The following ZNF609 variants were observed in gnomAD, a reference collection of about 807,000 sequenced individuals.
ZNF609 encodes zinc finger protein 609.
ZNF609 carries 11 observed loss-of-function variants against 109.5 expected under a neutral mutation model. The ratio of observed to expected loss-of-function variants is 0.10; its 90% CI spans 0.06 to 0.17. ZNF609 has a LOEUF of 0.17. Ranked by LOEUF, ZNF609 falls within the 10% of genes least tolerant of loss-of-function variation. ZNF609 has a pLI of 1.00. For missense variants in ZNF609, 1,559 were observed against 1,772.4 expected, an observed-to-expected ratio of 0.88 and a Z score of 2.16; for synonymous variants, 646 against 662.0, an observed-to-expected ratio of 0.98 and a Z score of 0.37.
rs1480340118 is a variant in ZNF609 at position 64,517,358 on chromosome 15, CAG to C, written c.747+17195_747+17196del. 6.6e-5 allele frequency among the ~76,000 whole-genome samples: 10 copies of C among 152,108 alleles called. No homozygotes were observed. The East Asian group carries it at 1.7e-3, about 26-fold the overall frequency. On this transcript the variant is annotated intron_variant, in intron 2 of 9. Transcript: ENST00000326648. ...TGCCACTGCATTCCAGCCTAGGTGA[CAG>C]AGGGGGATTCTGTCTCAAACAAAAC...
chr15:64,646,662 G>A (rs1896339702), intron 3 of ZNF609, among the ~76,000 whole-genome samples: 1 of 143,484 alleles, frequency 7.0e-6, no homozygotes, highest in Admixed American at 7.0e-5. Context: ...AAAAAAACTG[G>A]GCACGGTGGC....
At chr15:64,501,215 C>T (rs991183748) in intron 2 of ZNF609, 15 of 152,142 alleles carry the variant, frequency 9.9e-5, no homozygotes, top group African/African-American at 3.6e-4. Flanking sequence ...TCAGCTGCAG[C>T]AGGGAATACC....
At chr15:64,622,436 G>A (rs1054289354) in intron 2 of ZNF609, among the ~76,000 whole-genome samples, 10 of 152,176 alleles carry the variant, frequency 6.6e-5, no homozygotes, top group Admixed American at 6.5e-4. Context: ...TACCTCAGAT[G>A]CTGGGCCTTG....
intron 3 of ZNF609, among the ~76,000 whole-genome samples, chr15:64,623,853 G>A (rs183663463): frequency 1.5e-4 from 23 of 152,242 alleles, no homozygotes; most frequent in Admixed American, 1.4e-3. Flanking sequence ...CCAAATCCTT[G>A]TCAGAGTATA....
At chr15:64,535,533 A>G (rs186729000) in intron 2 of ZNF609, among the ~76,000 whole-genome samples, 111 of 152,198 alleles carry the variant, frequency 7.3e-4, no homozygotes, top group Non-Finnish European at 9.1e-4. Context: ...GTTGGAGGTG[A>G]GCTGGGCTGT....
At chr15:64,563,396 A>G (rs906366640) in intron 2 of ZNF609, among the ~76,000 whole-genome samples, 1 of 151,280 alleles carries the variant, frequency 6.6e-6, no homozygotes, top group East Asian at 1.9e-4. Flanking sequence ...GGCTGCAGTG[A>G]GCCATGATCG....
intron 2 of ZNF609, among the ~76,000 whole-genome samples, chr15:64,509,856 T>A (rs1237137927): frequency 2.0e-5 from 3 of 152,212 alleles, no homozygotes; most frequent in Non-Finnish European, 4.4e-5. Flanking sequence ...CCTTGTAAGG[T>A]ACAGACTAGT....
At chr15:64,647,085 G>A (rs914615254) in intron 3 of ZNF609, among the ~76,000 whole-genome samples, 8 of 151,608 alleles carry the variant, frequency 5.3e-5, no homozygotes, top group African/African-American at 7.3e-5. Context: ...TGCTTGAGCT[G>A]TGATCACACC....
At chr15:64,599,456 C>T (rs1159694022) in intron 2 of ZNF609, among the ~76,000 whole-genome samples, 1 of 152,138 alleles carries the variant, frequency 6.6e-6, no homozygotes, top group Non-Finnish European at 1.5e-5. Context: ...AATCATCTCT[C>T]AGCCATCTTA....
intron 2 of ZNF609, among the ~76,000 whole-genome samples, chr15:64,506,277 C>G (rs1253340411): frequency 6.6e-6 from 1 of 151,324 alleles, no homozygotes; most frequent in Non-Finnish European, 1.5e-5. Context: ...CATGCACCAC[C>G]ATGCCTGGCT....
At chr15:64,609,130 T>TTCTTTCTTTCTTTCTTCTTTC (rs750700444) in intron 2 of ZNF609, among the ~76,000 whole-genome samples, 3 of 84,120 alleles carry the variant, frequency 3.6e-5, no homozygotes, top group East Asian at 3.8e-4. Context: ...CTTTCTTTCT[T>TTCTTTCTTTCTTTCTTCTTTC]TTTTTCTTTC....
intron 2 of ZNF609, among the ~76,000 whole-genome samples, chr15:64,615,878 T>C (rs1477799471): frequency 6.6e-6 from 1 of 152,230 alleles, no homozygotes; most frequent in Non-Finnish European, 1.5e-5. Context: ...CTTTTTATTT[T>C]TGGATAAAAC....
In ZNF609 at chr15:64,577,358, CATATATGTATATATATACACATAT is replaced by C. The variant is rs1895005863; in HGVS notation, c.748-45467_748-45444del. ...ATACATATATATGTATATATATACA[CATATATGTATATATATACACATAT>C]AAATATATACACATATATGTATATA... On this transcript the variant is annotated intron_variant, in intron 2 of 9. Transcript: ENST00000326648. Among the ~76,000 whole-genome samples the C allele has an allele frequency of 1.2e-4, 2 of 16,404 alleles. 1 individual carries two copies. The highest frequency in any genetic ancestry group is 4.9e-4 in the Non-Finnish European group (2 of 4,056). The allele number at this position is 16,404 out of a possible 152,430, so 10.8% of individuals were successfully genotyped here.
At chr15:64,671,554 G>T (rs143770871) in intron 4 of ZNF609, among the ~76,000 whole-genome samples, 1 of 152,234 alleles carries the variant, frequency 6.6e-6, no homozygotes, top group East Asian at 1.9e-4. Context: ...GAACATACGG[G>T]TTTCACAAGG....
At chr15:64,529,143 G>T in intron 2 of ZNF609, 2 of 748,304 alleles carry the variant, frequency 2.7e-6, no homozygotes, top group Non-Finnish European at 4.8e-6. Context: ...TGTGAACTGT[G>T]GTCATGAATC....
intron 2 of ZNF609, among the ~76,000 whole-genome samples, chr15:64,554,184 C>G (rs972672660): frequency 5.3e-5 from 8 of 152,066 alleles, no homozygotes; most frequent in African/African-American, 1.9e-4. Flanking sequence ...CCGTTTTTAC[C>G]ATTAAATATG....
chr15:64,674,501 C>T lies in ZNF609; in HGVS notation c.1647C>T (p.Asn549=), dbSNP rs145295840. The T allele has an allele frequency of 7.4e-4, 1,193 of 1,614,108 alleles. No individual in the cohort carries two copies. Among genetic ancestry groups the T allele is most frequent in the Non-Finnish European group, 9.5e-4 (1,123 of 1,179,976 alleles). ...TCCATGCAGATCTTGGGAGCTGCAA[C>T]GGTGCATCTGTCTCACAAAAAGGTT... ...PILHADLGSC[N]GASVSQKGSL... Residue 549 remains asparagine, a synonymous_variant, in exon 5 of 10, where the codon AAC becomes AAT. Coordinates refer to ENST00000326648, the MANE Select transcript of ZNF609 (RefSeq NM_015042.2).
rs573278843 is a variant in ZNF609, at chr15:64,586,982, T to C, written c.748-35845T>C. On this transcript the variant is annotated intron_variant, in intron 2 of 9. Coordinates refer to ENST00000326648, the MANE Select transcript of ZNF609 (RefSeq NM_015042.2). ...TTTTTCTTTAAGATAATAATTTCTT[T>C]TCTTTTAGCTTTTCTTCCTATAAGT... Among the ~76,000 whole-genome samples, 9 of 152,358 alleles carry C rather than the reference T, an allele frequency of 5.9e-5. No individual in the cohort carries two copies. In the South Asian group the frequency reaches 1.9e-3, roughly 32 times the overall value.
At chr15:64,483,605 T>G (rs59969217) in intron 1 of ZNF609, among the ~76,000 whole-genome samples, 8,480 of 152,006 alleles carry the variant, frequency 0.056, 804 homozygotes, top group African/African-American at 0.19. Flanking sequence ...AGGCTGGTCT[T>G]GAACTCCTGA....
Sources: allele counts gnomAD v4.1 joint callset (sites outside exome capture counted in the v4.1 genomes callset), GRCh38; gene constraint gnomAD v4.1.1; transcripts MANE v1.5; gene names NCBI Gene and HGNC (gene_info 2026-07-23, HGNC 2026-07-21).